BPNT2: variants seen among roughly 807,000 people sequenced by gnomAD.
The protein encoded by BPNT2 is 3'(2'), 5'-bisphosphate nucleotidase 2.
In BPNT2, 11 loss-of-function variants were observed where a neutral mutation model predicts 29.3. The observed-to-expected ratio is 0.38, with a 90% CI of 0.24 to 0.62. The LOEUF (loss-of-function observed/expected upper bound fraction) is 0.62. BPNT2 is among the 20% of genes least tolerant of loss of function. BPNT2 has a pLI of 0.62. For missense variants in BPNT2, 459 were observed against 473.4 expected (o/e 0.97, Z 0.28); for synonymous variants, 195 against 187.7 (o/e 1.04, Z -0.32).
intron 1 of BPNT2, among the ~76,000 whole-genome samples, chr8:56,982,516 A>G (rs1806261685): frequency 6.6e-6 from 1 of 152,242 alleles, no homozygotes; most frequent in Admixed American, 6.5e-5. Flanking sequence ...ATTGCCTACT[A>G]TATGACAGAC....
At position 56,962,038 on chromosome 8, in the gene BPNT2, A is replaced by C. The variant is rs759435619; in HGVS notation, c.*1755T>G. 5 of 152,194 alleles carry C rather than the reference A, an allele frequency of 3.3e-5. No homozygotes were observed. The highest frequency in any genetic ancestry group is 7.3e-5 in the Non-Finnish European group (5 of 68,042). The allele number at this position is 152,194 out of a possible 1,614,324, so 9.4% of individuals were successfully genotyped here. On this transcript the variant is annotated 3_prime_UTR_variant, in exon 5 of 5. Transcript: ENST00000262644. ...ATACCTTTGCCATCTCTCCTGAAAAAGAAAGTTTCTTCAGCTTATTGCAAA... is the reference window on the plus strand; with the variant it reads ...ATACCTTTGCCATCTCTCCTGAAAACGAAAGTTTCTTCAGCTTATTGCAAA...
intron 4 of BPNT2, chr8:56,964,483 A>C (rs148422021): frequency 0.014 from 2,298 of 168,168 alleles, 83 homozygotes; most frequent in African/African-American, 0.053. Flanking sequence ...TGTATTTTTT[A>C]GTAGAGACAG....
rs1447259434 is a variant in BPNT2 at position 56,977,977 on chromosome 8, G to A, written c.646+73C>T. The A allele has an allele frequency of 5.3e-6, 5 of 952,196 alleles. No individual in the cohort carries two copies. In the East Asian group the frequency reaches 9.6e-5, roughly 18 times the overall value. The allele number at this position is 952,196 out of a possible 1,614,324, so 59.0% of individuals were successfully genotyped here. On this transcript the variant is annotated intron_variant, in intron 3 of 4. Coordinates refer to ENST00000262644, the MANE Select transcript of BPNT2 (RefSeq NM_017813.5). ...AATATAGGAGTGGATACAAATTTAG[G>A]TACATGACAGTAAATACTATAGACA... is the stretch of plus-strand genomic sequence containing the variant.
chr8:56,976,486 A>G (rs986790370), intron 3 of BPNT2, among the ~76,000 whole-genome samples: 1 of 152,206 alleles, frequency 6.6e-6, no homozygotes, highest in African/African-American at 2.4e-5. Flanking sequence ...TTAATCTTAC[A>G]GTATATTGTC....
chr8:56,982,139 T>C (rs1241279193), intron 1 of BPNT2, among the ~76,000 whole-genome samples: 1 of 151,948 alleles, frequency 6.6e-6, no homozygotes, highest in East Asian at 1.9e-4. Flanking sequence ...TTTTTTTTTT[T>C]TTTGAGACGG....
At chr8:56,964,260 AC>A (rs1429242311) in intron 4 of BPNT2, 196 bp from the exon 5 acceptor site, 2 of 503,018 alleles carry the variant, frequency 4.0e-6, no homozygotes, top group Non-Finnish European at 7.0e-6. Flanking sequence ...TAAACTCAGA[AC>A]AAAAATACAT....
chr8:56,971,729 A>C (rs948983125), intron 3 of BPNT2, among the ~76,000 whole-genome samples: 1 of 151,674 alleles, frequency 6.6e-6, no homozygotes, highest in Non-Finnish European at 1.5e-5. Context: ...AACAAATGTA[A>C]AATCATAAAC....
Position 56,962,796 on chromosome 8 carries a change from T to C in BPNT2, c.*997A>G, listed in dbSNP as rs1396761879. 1.3e-5 allele frequency: 2 copies of C among 152,038 alleles called. No homozygotes were observed. The highest frequency in any genetic ancestry group is 2.4e-5 in the African/African-American group (1 of 41,340). The allele number at this position is 152,038 out of a possible 1,614,324, so 9.4% of individuals were successfully genotyped here. A position where few individuals can be genotyped will look rare whatever the true frequency, so the allele number is the denominator to read the frequency against. On this transcript the variant is annotated 3_prime_UTR_variant, in exon 5 of 5. Coordinates refer to ENST00000262644, the MANE Select transcript of BPNT2 (RefSeq NM_017813.5). ...CTTGATAATGAAAGGATCTTCTATA[T>C]ACAAACCTAGCAAATTAAAAAAAAA... is the stretch of plus-strand genomic sequence containing the variant.
rs556222735 is a variant in BPNT2, at chr8:56,959,790, C to A, written c.*4003G>T. The A allele has an allele frequency of 6.6e-6, 1 of 151,938 alleles. No individual in the cohort carries two copies. The highest frequency in any genetic ancestry group is 2.4e-5 in the African/African-American group (1 of 41,346). 9.4% of individuals were successfully genotyped at this position (151,938 alleles called of 1,614,324 possible). Reference sequence around the variant, plus strand: ...TTTCAATTTAATTTTAATGAATCTCCCCCAACTATAATATTAAAAACATCA... The same window carrying A: ...TTTCAATTTAATTTTAATGAATCTCACCCAACTATAATATTAAAAACATCA... On this transcript the variant is annotated 3_prime_UTR_variant, in exon 5 of 5. Coordinates refer to ENST00000262644, the MANE Select transcript of BPNT2 (RefSeq NM_017813.5).
At chr8:56,984,544 T>C (rs1031703961) in intron 1 of BPNT2, among the ~76,000 whole-genome samples, 4 of 152,232 alleles carry the variant, frequency 2.6e-5, no homozygotes, top group South Asian at 2.1e-4. Flanking sequence ...ATCTCTCACC[T>C]GGATTTCTAC....
intron 1 of BPNT2, among the ~76,000 whole-genome samples, chr8:56,987,109 T>C: frequency 6.6e-6 from 1 of 152,214 alleles, no homozygotes; most frequent in East Asian, 1.9e-4. Context: ...ACACAATCAA[T>C]GCCATTAGTA....
intron 1 of BPNT2, among the ~76,000 whole-genome samples, chr8:56,991,271 T>C (rs967910856): frequency 6.6e-6 from 1 of 152,218 alleles, no homozygotes; most frequent in African/African-American, 2.4e-5. Flanking sequence ...CAGAAGCACA[T>C]GCAAACATTC....
At chr8:56,986,566 G>T (rs1175567501) in intron 1 of BPNT2, among the ~76,000 whole-genome samples, 1 of 152,176 alleles carries the variant, frequency 6.6e-6, no homozygotes, top group Non-Finnish European at 1.5e-5. Context: ...TAAACCCATT[G>T]TGAATTGAGA....
chr8:56,992,628 A>G (rs937390750), intron 1 of BPNT2, among the ~76,000 whole-genome samples: 40 of 152,102 alleles, frequency 2.6e-4, no homozygotes, highest in Non-Finnish European at 5.9e-4. Context: ...AAGGGCCCGC[A>G]AACTATAAAC....
rs751845541 is a variant in BPNT2, at chr8:56,993,332, C to T, written c.254G>A (p.Arg85His). The T allele has an allele frequency of 6.2e-7, 1 of 1,611,616 alleles. No individual in the cohort carries two copies. Among genetic ancestry groups the T allele is most frequent in the East Asian group, 2.2e-5 (1 of 44,816 alleles). Residue 85 changes from arginine (R) to histidine (H), a missense_variant, in exon 1 of 5, where the codon CGC (arginine) becomes CAC (histidine). Transcript: ENST00000262644. Reference protein sequence around the residue: ...VRGGDEVRRVRESNVLHEKSK... With the variant: ...VRGGDEVRRVHESNVLHEKSK... ...CTTCTCGTGGAGGACGTTGCTCTCG[C>T]GGACGCGCCTCACCTCGTCGCCGCC...
At position 56,960,409 on chromosome 8, in the gene BPNT2, CT is replaced by C. The variant is rs1805812938; in HGVS notation, c.*3383del. The stretch of plus-strand genomic sequence containing the variant: ...CTGACCCTCTTCCTAGCCACCACCC[CT>C]CTCCCTCTGACACAGTTCACAAAAT... On this transcript the variant is annotated 3_prime_UTR_variant, in exon 5 of 5. Coordinates refer to ENST00000262644, the MANE Select transcript of BPNT2 (RefSeq NM_017813.5). 1 of 152,264 alleles carries C rather than the reference CT, an allele frequency of 6.6e-6. No individual in the cohort carries two copies. The highest frequency in any genetic ancestry group is 1.5e-5 in the Non-Finnish European group (1 of 68,076). The allele number at this position is 152,264 out of a possible 1,614,324, so 9.4% of individuals were successfully genotyped here.
At chr8:56,986,183 G>A (rs765964287) in intron 1 of BPNT2, among the ~76,000 whole-genome samples, 10 of 152,136 alleles carry the variant, frequency 6.6e-5, no homozygotes, top group African/African-American at 1.9e-4. Flanking sequence ...AAATTCACAC[G>A]TGTGAATCAA....
intron 1 of BPNT2, among the ~76,000 whole-genome samples, chr8:56,980,631 CT>C (rs1232671565): frequency 1.6e-3 from 237 of 144,204 alleles, no homozygotes; most frequent in Non-Finnish European, 1.4e-3. Flanking sequence ...AATTTTCTAC[CT>C]TTTTTTTTTT....
chr8:56,987,975 G>A (rs929499541), intron 1 of BPNT2, among the ~76,000 whole-genome samples: 64 of 151,804 alleles, frequency 4.2e-4, no homozygotes, highest in Admixed American at 4.0e-3. Flanking sequence ...TGATCCACCC[G>A]CCTCGGCCTC....
Sources: allele counts gnomAD v4.1 joint callset (sites outside exome capture counted in the v4.1 genomes callset), GRCh38; gene constraint gnomAD v4.1.1; transcripts MANE v1.5; gene names NCBI Gene and HGNC (gene_info 2026-07-23, HGNC 2026-07-21).